Variants in UBA3 observed in about 807,000 individuals in gnomAD.
The protein encoded by UBA3 is ubiquitin like modifier activating enzyme 3, also known as NEDD8-activating enzyme E1 catalytic subunit.
A neutral mutation model predicts 73.5 loss-of-function variants in UBA3; 26 were observed. The ratio of observed to expected loss-of-function variants is 0.35; its 90% confidence interval spans 0.26 to 0.49. The LOEUF is 0.49. UBA3 is among the 20% of genes least tolerant of loss of function. The pLI is 0.98. For synonymous variants in UBA3, 217 were observed against 191.2 expected (o/e 1.13, Z -1.11); for missense variants, 495 against 555.6 (o/e 0.89, Z 1.10).
intron 2 of UBA3, 131 bp from the exon 3 acceptor site, chr3:69,078,049 G>A: frequency 8.3e-7 from 1 of 1,205,942 alleles, no homozygotes; most frequent in Non-Finnish European, 1.1e-6. Context: ...AATATTCAAT[G>A]TGATTATGTT....
Position 69,063,498 on chromosome 3 carries a change from G to C in UBA3, c.478C>G (p.His160Asp). The C allele has an allele frequency of 3.3e-6, 4 of 1,225,126 alleles. No homozygotes were observed. Among genetic ancestry groups the C allele is most frequent in the South Asian group, 1.6e-5 (1 of 62,776 alleles). The allele number at this position is 1,225,126 out of a possible 1,614,324, so 75.9% of individuals were successfully genotyped here. Residue 160 changes from histidine to aspartate, a missense_variant, in exon 8 of 18, where the codon CAT becomes GAT. By Grantham distance (81) the His-to-Asp change is moderately conservative. Transcript: ENST00000361055. ...DFNDTFYRQFHIIVCGLDSII... is the reference protein window; with the variant it reads ...DFNDTFYRQFDIIVCGLDSII... The stretch of plus-strand genomic sequence containing the variant: ...GAGTCCAGTCCACATACAATAATAT[G>C]AAATTCTACAAAAAAAAAAAAAAGC...
At chr3:69,061,957 G>GA (rs2092025681) in intron 10 of UBA3, 30 bp from the exon 11 acceptor site, 5 of 1,496,444 alleles carry the variant, frequency 3.3e-6, no homozygotes, top group Non-Finnish European at 4.6e-6. Context: ...GAGAGAGAGA[G>GA]AGAGAGAAGA....
intron 4 of UBA3, 194 bp downstream of exon 4, chr3:69,075,236 A>G: frequency 4.4e-6 from 1 of 229,848 alleles, no homozygotes; most frequent in Non-Finnish European, 8.4e-6. Context: ...TATAGCTGAG[A>G]GCTTTAGAAT....
intron 11 of UBA3, among the ~76,000 whole-genome samples, chr3:69,060,270 T>C (rs2092010787): frequency 6.6e-6 from 1 of 151,804 alleles, no homozygotes; most frequent in South Asian, 2.1e-4. Context: ...TAAGGACCTA[T>C]ACTTGGATAT....
chr3:69,075,403 A>T lies in UBA3; in HGVS notation c.264+27T>A, dbSNP rs1007414872. 9 of 1,120,796 alleles carry T rather than the reference A, an allele frequency of 8.0e-6. 1 individual carries two copies. The African/African-American group carries it at 1.3e-4, about 16-fold the overall frequency. The allele number at this position is 1,120,796 out of a possible 1,614,324, so 69.4% of individuals were successfully genotyped here. ...TACTTATCACAAAGAAGAAAAAAAT[A>T]TTTATATATATATGTATATATATTA... is the stretch of plus-strand genomic sequence containing the variant. On this transcript the variant is annotated intron_variant, in intron 4 of 17. Coordinates refer to ENST00000361055, the MANE Select transcript of UBA3 (RefSeq NM_003968.4).
At chr3:69,057,933 T>TTTC (rs1553682418) in intron 11 of UBA3, among the ~76,000 whole-genome samples, 1 of 146,476 alleles carries the variant, frequency 6.8e-6, no homozygotes, top group African/African-American at 2.5e-5. Flanking sequence ...TCTTTTTTTT[T>TTTC]TTTTTTTTTT....
At chr3:69,077,627 T>C (rs965198261) in intron 3 of UBA3, 171 bp downstream of exon 3, 2 of 712,728 alleles carry the variant, frequency 2.8e-6, no homozygotes, top group African/African-American at 1.8e-5. Flanking sequence ...GACTCAAATA[T>C]TCAAACAAAA....
chr3:69,076,125 A>G (rs1156835909), intron 3 of UBA3, among the ~76,000 whole-genome samples: 2 of 152,196 alleles, frequency 1.3e-5, no homozygotes. Context: ...ATTTTTGCAA[A>G]GGGATAGAGA....
chr3:69,069,453 G>A (rs4855354), intron 5 of UBA3, among the ~76,000 whole-genome samples: 3 of 152,042 alleles, frequency 2.0e-5, no homozygotes, highest in Admixed American at 1.3e-4. Context: ...TCAGCCTCCA[G>A]AGTGCTGGGA....
Position 69,075,459 on chromosome 3 carries a change from CG to C in UBA3, c.234del (p.Gly79AlafsTer2). The C allele has an allele frequency of 6.4e-7, 1 of 1,564,280 alleles. No individual in the cohort carries two copies. Among genetic ancestry groups the C allele is most frequent in the Non-Finnish European group, 8.6e-7 (1 of 1,157,614 alleles). On this transcript the variant is annotated frameshift_variant, in exon 4 of 18. Coordinates refer to ENST00000361055, the MANE Select transcript of UBA3 (RefSeq NM_003968.4). LOFTEE classifies it high-confidence loss of function. ...DTCKVLVIGA[G>X]GLGCELLKNL... ...TTTTTCAGGAGCTCACATCCTAAGC[CG>C]CCAGCTCCAATGACTAGAACTTTAC... is the stretch of plus-strand genomic sequence containing the variant.
chr3:69,074,658 G>A (rs2092149025), intron 4 of UBA3, among the ~76,000 whole-genome samples: 1 of 152,110 alleles, frequency 6.6e-6, no homozygotes, highest in Non-Finnish European at 1.5e-5. Flanking sequence ...GCAGTGAGAA[G>A]CCTAGCATAC....
At chr3:69,066,144 T>C (rs1575838038) in intron 6 of UBA3, among the ~76,000 whole-genome samples, 1 of 152,174 alleles carries the variant, frequency 6.6e-6, no homozygotes, top group Non-Finnish European at 1.5e-5. Flanking sequence ...TTATGGCTCA[T>C]GCTTTTACAA....
At chr3:69,072,571 C>T (rs756059641) in intron 4 of UBA3, among the ~76,000 whole-genome samples, 14 of 152,180 alleles carry the variant, frequency 9.2e-5, no homozygotes, top group Non-Finnish European at 8.8e-5. Flanking sequence ...CAGTTGGTCA[C>T]CACACTCATG....
intron 6 of UBA3, among the ~76,000 whole-genome samples, chr3:69,064,820 T>C (rs1294831404): frequency 2.6e-5 from 4 of 152,170 alleles, no homozygotes; most frequent in Non-Finnish European, 5.9e-5. Context: ...TTCTAATGAA[T>C]GGAGCAATTG....
chr3:69,080,336 C>G lies in UBA3; in HGVS notation c.18G>C (p.Glu6Asp), dbSNP rs767842761. MADGE[E>D]PEKKRRRIEE... is the part of the protein sequence containing the mutation. Reference sequence around the variant, plus strand: ...GTCTGCAGAGCCCCGGTACTTACGGCTCCTCGCCATCCGCCATATTGTTCT... The same window carrying G: ...GTCTGCAGAGCCCCGGTACTTACGGGTCCTCGCCATCCGCCATATTGTTCT... The change falls in exon 1 of 18, where the codon GAG (glutamate) becomes GAC (aspartate). Residue 6 changes from glutamate (E) to aspartate (D), a missense_variant and splice_region_variant. By Grantham distance (45) the Glu-to-Asp change is conservative. Coordinates refer to ENST00000361055, the MANE Select transcript of UBA3 (RefSeq NM_003968.4). 17 of 1,599,268 alleles carry G rather than the reference C, an allele frequency of 1.1e-5. No homozygotes were observed. Among genetic ancestry groups the G allele is most frequent in the East Asian group, 2.3e-5 (1 of 44,038 alleles).
intron 2 of UBA3, 113 bp from the exon 3 acceptor site, chr3:69,078,031 A>G: frequency 7.6e-7 from 1 of 1,310,254 alleles, no homozygotes. Flanking sequence ...TGCTCAAATA[A>G]AAAGGAAAAT....
chr3:69,073,977 T>C (rs1559647141), intron 4 of UBA3, among the ~76,000 whole-genome samples: 1 of 152,110 alleles, frequency 6.6e-6, no homozygotes, highest in Non-Finnish European at 1.5e-5. Context: ...AATGAGCCTT[T>C]AGGGGGCTTA....
Position 69,062,153 on chromosome 3 carries a change from T to C in UBA3, c.720A>G (p.Ala240=), listed in dbSNP as rs1166891717. 6.2e-7 allele frequency: 1 copy of C among 1,613,316 alleles called. No homozygotes were observed. The highest frequency in any genetic ancestry group is 8.5e-7 in the Non-Finnish European group (1 of 1,179,470). Reference sequence around the variant, plus strand: ...AGTGTTCTGGTAGCCTGGGCATAGATGCAATGGTGCACATGGGAAAATTAA... The same window carrying C: ...AGTGTTCTGGTAGCCTGGGCATAGACGCAATGGTGCACATGGGAAAATTAA... The part of the protein sequence containing the change: ...PQVNFPMCTI[A]SMPRLPEHCI... The change falls in exon 10 of 18, where the codon GCA becomes GCG. Residue 240 remains alanine, a synonymous_variant. Transcript: ENST00000361055.
At chr3:69,080,372 C>T (rs775901637), upstream of UBA3, 2 of 1,595,356 alleles carry the variant, frequency 1.3e-6, no homozygotes, top group Admixed American at 3.4e-5. Context: ...CCGCCTCTTC[C>T]CAGGTGCCCA....
Sources: gnomAD v4.1 joint callset for allele counts (sites outside exome capture counted in the v4.1 genomes callset) on GRCh38, gnomAD v4.1.1 for gene constraint, MANE v1.5 for transcripts, NCBI Gene and HGNC (gene_info 2026-07-23, HGNC 2026-07-21) for gene names.